MTCH1: variants seen among roughly 807,000 people sequenced by gnomAD.
MTCH1 encodes the protein mitochondrial carrier 1.
Under a neutral mutation model 49.3 loss-of-function variants are expected in MTCH1, and 23 were observed. The ratio of observed to expected loss-of-function variants is 0.47; its 90% CI spans 0.34 to 0.66. The LOEUF (loss-of-function observed/expected upper bound fraction) is 0.66, where lower values mean the gene tolerates loss of function less well. Among genes scored for constraint, MTCH1 ranks in the 30% least tolerant of loss-of-function variants. The probability of loss-of-function intolerance (pLI) is 0.01; values close to 1 mark genes in which losing one functional copy is unlikely to be tolerated. For synonymous variants in MTCH1, 229 were observed against 215.2 expected (o/e 1.06, Z -0.56); for missense variants, 397 against 532.1 (o/e 0.75, Z 2.50).
At chr6:36,975,797 A>G (rs2293386) in intron 6 of MTCH1, 80 bp from the exon 7 acceptor site, 320,818 of 1,324,542 alleles carry the variant, frequency 0.24, 40,297 homozygotes, top group South Asian at 0.32. Context: ...GGCTGAGCCC[A>G]CCAGTTCTGC....
At position 36,972,380 on chromosome 6, in the gene MTCH1, A is replaced by G. The variant is rs1322347666; in HGVS notation, c.906+272T>C. Among the ~76,000 whole-genome samples, 1 of 152,120 alleles carries G rather than the reference A, an allele frequency of 6.6e-6. No individual in the cohort carries two copies. Among genetic ancestry groups the G allele is most frequent in the African/African-American group, 2.4e-5 (1 of 41,418 alleles). On this transcript the variant is annotated intron_variant, in intron 8 of 11. Transcript: ENST00000373627. The surrounding 1 kb of genome is among the most constrained non-coding windows in gnomAD (Gnocchi z 4.1). ...TGACTTCCTGAGCCCTAGTTGGGTC[A>G]CTGCCTCGGAGCAGCCTTAGATAAG...
upstream of MTCH1, chr6:36,986,251 G>T (rs898924865): frequency 1.5e-6 from 2 of 1,293,904 alleles, no homozygotes; most frequent in African/African-American, 3.2e-5. Context: ...CGGGGCCGGG[G>T]CGCACCACTC....
At chr6:36,976,340 G>A (rs921907754) in intron 6 of MTCH1, among the ~76,000 whole-genome samples, 11 of 152,102 alleles carry the variant, frequency 7.2e-5, no homozygotes, top group African/African-American at 2.7e-4. Context: ...GGTGTGAAAT[G>A]CCAAGGAAGC....
At chr6:36,970,188 GA>G in intron 10 of MTCH1, 74 bp from the exon 11 acceptor site, 1 of 1,536,810 alleles carries the variant, frequency 6.5e-7, no homozygotes, top group Non-Finnish European at 8.9e-7. Flanking sequence ...CTTCAAGAAG[GA>G]ATGCCTTCAG....
Position 36,981,593 on chromosome 6 carries a change from G to A in MTCH1, c.401C>T (p.Thr134Ile). ...RKVLYLPSFF[T>I]YAKYIVQVDG... is the part of the protein sequence containing the mutation. Reference sequence around the variant, plus strand: ...TGCTTGGGAGGCACACTCACCGTAGGTGAAGAAGCTCGGCAGATAGAGGAC... The same window carrying A: ...TGCTTGGGAGGCACACTCACCGTAGATGAAGAAGCTCGGCAGATAGAGGAC... The change falls in exon 2 of 12, where the codon ACC becomes ATC. Residue 134 changes from threonine to isoleucine, a missense_variant. Transcript: ENST00000373627. The A allele has an allele frequency of 1.2e-6, 2 of 1,613,982 alleles. No homozygotes were observed. The highest frequency in any genetic ancestry group is 1.1e-5 in the South Asian group (1 of 91,052).
chr6:36,974,105 T>C (rs968929417), intron 7 of MTCH1, among the ~76,000 whole-genome samples: 2 of 152,260 alleles, frequency 1.3e-5, no homozygotes, highest in Non-Finnish European at 2.9e-5. Flanking sequence ...TGTGCAAATA[T>C]ATGTATGTAT....
upstream of MTCH1, chr6:36,986,361 C>A (rs1764321920): frequency 4.2e-6 from 2 of 474,214 alleles, no homozygotes; most frequent in African/African-American, 4.1e-5. Flanking sequence ...GGGCTGCGGG[C>A]CGGGGGTCAA....
rs1763914774 is a variant in MTCH1, at chr6:36,977,277, AG to A, written c.650-28del. The stretch of plus-strand genomic sequence containing the variant: ...TGAGGAAAAAAAAGAAAACACACAC[AG>A]GTGATGTGGTGGGCCACACTTCATA... On this transcript the variant is annotated intron_variant, in intron 5 of 11. Coordinates refer to ENST00000373627, the MANE Select transcript of MTCH1 (RefSeq NM_001271641.2). This position sits in a 1 kb window ranked among gnomAD's most constrained non-coding sequence, Gnocchi z 5.4. 3 of 1,612,754 alleles carry A rather than the reference AG, an allele frequency of 1.9e-6. No individual in the cohort carries two copies. The highest frequency in any genetic ancestry group is 2.5e-6 in the Non-Finnish European group (3 of 1,179,584).
intron 2 of MTCH1, among the ~76,000 whole-genome samples, chr6:36,979,834 T>TA (rs1179330282): frequency 2.0e-5 from 3 of 152,064 alleles, no homozygotes; most frequent in South Asian, 2.1e-4. Flanking sequence ...TGCCCACCTG[T>TA]AAAAAAAGAA....
intron 7 of MTCH1, among the ~76,000 whole-genome samples, chr6:36,974,947 T>C (rs1214934877): frequency 6.6e-6 from 1 of 152,212 alleles, no homozygotes; most frequent in African/African-American, 2.4e-5. Context: ...ATACAACTCA[T>C]CAAGCCTGGC....
rs574954896 is a variant in MTCH1 at position 36,982,384 on chromosome 6, ATTTT to A, written c.322-716_322-713del. 2.0e-5 allele frequency among the ~76,000 whole-genome samples: 3 copies of A among 148,426 alleles called. No homozygotes were observed. Among genetic ancestry groups the A allele is most frequent in the Admixed American group, 6.7e-5 (1 of 14,900 alleles). On this transcript the variant is annotated intron_variant, in intron 1 of 11. Transcript: ENST00000373627. The surrounding 1 kb of genome is among the most constrained non-coding windows in gnomAD (Gnocchi z 4.1). ...TTATATCTGAAATATTTATTTATTT[ATTTT>A]TTTTTTTGAGATGGAGTTTCACTCT... is the stretch of plus-strand genomic sequence containing the variant.
chr6:36,968,714 A>G lies in MTCH1; in HGVS notation c.*189T>C, dbSNP rs1470786459. The G allele has an allele frequency of 5.4e-6, 5 of 921,068 alleles. No individual in the cohort carries two copies. Among genetic ancestry groups the G allele is most frequent in the Non-Finnish European group, 8.6e-6 (5 of 584,074 alleles). The allele number at this position is 921,068 out of a possible 1,614,324, so 57.1% of individuals were successfully genotyped here. ...CTAGGTCTGCCGGGTGACCCAATCC[A>G]CTGGGTGCAGCCCCACCCCCGCTCA... On this transcript the variant is annotated 3_prime_UTR_variant, in exon 12 of 12. Transcript: ENST00000373627.
chr6:36,970,290 G>A, intron 10 of MTCH1, 116 bp downstream of exon 10: 1 of 1,484,688 alleles, frequency 6.7e-7, no homozygotes, highest in Non-Finnish European at 9.3e-7. Context: ...TGCCTGGCAG[G>A]CCAAGCCTAC....
At chr6:36,978,824 T>C (rs900331494) in intron 2 of MTCH1, among the ~76,000 whole-genome samples, 1 of 151,898 alleles carries the variant, frequency 6.6e-6, no homozygotes, top group African/African-American at 2.4e-5. Context: ...TCAAAATGTA[T>C]TTCTGACAAA....
intron 2 of MTCH1, among the ~76,000 whole-genome samples, chr6:36,979,309 T>C (rs1206430487): frequency 6.6e-6 from 1 of 152,238 alleles, no homozygotes; most frequent in Non-Finnish European, 1.5e-5. Context: ...ACCCTACCTG[T>C]GTGAGTTAGT....
chr6:36,970,037 A>T lies in MTCH1; in HGVS notation c.1098+2T>A. 1 of 1,614,140 alleles carries T rather than the reference A, an allele frequency of 6.2e-7. No individual in the cohort carries two copies. The highest frequency in any genetic ancestry group is 8.5e-7 in the Non-Finnish European group (1 of 1,180,004). On this transcript the variant is annotated splice_donor_variant, in intron 11 of 11. Coordinates refer to ENST00000373627, the MANE Select transcript of MTCH1 (RefSeq NM_001271641.2). LOFTEE classifies it high-confidence loss of function. ...GGCCTCCGCCGTCCAGTGCTTGCTC[A>T]CCTGCACACTCAGGTACTTCCAGCA...
At chr6:36,984,447 C>T (rs781236307) in intron 1 of MTCH1, among the ~76,000 whole-genome samples, 1 of 152,150 alleles carries the variant, frequency 6.6e-6, no homozygotes, top group Non-Finnish European at 1.5e-5. Context: ...ATTACCATTC[C>T]TCGGATCCCA....
chr6:36,984,829 T>C (rs1764239516), intron 1 of MTCH1, among the ~76,000 whole-genome samples: 1 of 152,134 alleles, frequency 6.6e-6, no homozygotes, highest in African/African-American at 2.4e-5. Flanking sequence ...TCTCAATTTC[T>C]GGTAGTCCCT....
intron 1 of MTCH1, among the ~76,000 whole-genome samples, 167 bp downstream of exon 1, chr6:36,985,686 T>A (rs1227021235): frequency 2.6e-5 from 4 of 151,584 alleles, no homozygotes; most frequent in African/African-American, 9.7e-5. Flanking sequence ...CGTTCCCAAC[T>A]CCCTCACGGC....
Sources: allele counts gnomAD v4.1 joint callset (sites outside exome capture counted in the v4.1 genomes callset), GRCh38; gene constraint gnomAD v4.1.1; non-coding constraint Gnocchi (gnomAD v3.1); transcripts MANE v1.5; gene names NCBI Gene and HGNC (gene_info 2026-07-23, HGNC 2026-07-21).